Variants in PLEKHM3 observed in about 807,000 individuals in gnomAD.
PLEKHM3 encodes pleckstrin homology domain containing M3, also known as pleckstrin homology domain-containing family M member 3.
A neutral mutation model predicts 81.8 loss-of-function variants in PLEKHM3; 45 were observed. That is an observed-to-expected ratio of 0.55 (90% confidence interval 0.43 to 0.71). PLEKHM3 has a LOEUF of 0.71. PLEKHM3 is among the 30% of genes least tolerant of loss of function. The pLI is 0.00. For missense variants in PLEKHM3, 788 were observed against 924.3 expected (o/e 0.85, Z 1.91); for synonymous variants, 352 against 356.4 (o/e 0.99, Z 0.14).
Position 208,001,363 on chromosome 2 carries a change from C to A in PLEKHM3, c.277G>T (p.Glu93Ter). The stretch of plus-strand genomic sequence containing the variant: ...GTCCCTCTCTGGACCATAAACTGTT[C>A]TTTGGCAGGGAAGACATTTTGAGCT... ...TKAQNVFPAK[E>*]QFMVQRGTTP... The change falls in exon 2 of 8, where the codon GAA (glutamate) becomes TAA (stop). Residue 93 changes from glutamate to a stop codon, truncating the protein, a stop_gained. Transcript: ENST00000427836. LOFTEE classifies it high-confidence loss of function. 1 of 1,614,208 alleles carries A rather than the reference C, an allele frequency of 6.2e-7. No homozygotes were observed.
chr2:207,869,388 C>G (rs181774872), intron 6 of PLEKHM3, among the ~76,000 whole-genome samples: 19 of 152,246 alleles, frequency 1.2e-4, no homozygotes, highest in Non-Finnish European at 1.9e-4. Context: ...ACCTCCTTTC[C>G]CTTTCTCCAT....
chr2:207,863,131 T>C (rs943631222), intron 6 of PLEKHM3, among the ~76,000 whole-genome samples: 1 of 152,236 alleles, frequency 6.6e-6, no homozygotes, highest in African/African-American at 2.4e-5. Context: ...GAGCCATGCA[T>C]TTCTTCGAGG....
intron 1 of PLEKHM3, among the ~76,000 whole-genome samples, chr2:208,017,626 CCT>C (rs1166191382): frequency 2.6e-5 from 4 of 152,146 alleles, no homozygotes; most frequent in Non-Finnish European, 2.9e-5. Context: ...CTTTCCCCTT[CCT>C]CTCTTTTTTC....
intron 1 of PLEKHM3, among the ~76,000 whole-genome samples, chr2:208,023,141 C>T (rs994416300): frequency 7.3e-5 from 11 of 151,308 alleles, no homozygotes; most frequent in Non-Finnish European, 1.3e-4. Context: ...TGAAATTTAC[C>T]ATATTAACCT....
At chr2:207,884,925 C>T (rs1357460981) in intron 6 of PLEKHM3, among the ~76,000 whole-genome samples, 1 of 152,056 alleles carries the variant, frequency 6.6e-6, no homozygotes, top group Non-Finnish European at 1.5e-5. Flanking sequence ...CATATGAACA[C>T]GGGGCCTAGA....
chr2:207,963,910 T>C (rs1325946796), intron 3 of PLEKHM3, among the ~76,000 whole-genome samples: 2 of 152,202 alleles, frequency 1.3e-5, no homozygotes, highest in Admixed American at 6.5e-5. Context: ...ATGGGTTGAC[T>C]CATTCACTAA....
chr2:207,948,163 C>T (rs1197376742), intron 3 of PLEKHM3, among the ~76,000 whole-genome samples: 2 of 152,128 alleles, frequency 1.3e-5, no homozygotes, highest in Non-Finnish European at 2.9e-5. Context: ...AGAACCAACA[C>T]ACATGTAGCT....
intron 5 of PLEKHM3, among the ~76,000 whole-genome samples, chr2:207,912,731 G>GA (rs1218521732): frequency 1.3e-5 from 2 of 152,136 alleles, no homozygotes; most frequent in Admixed American, 1.3e-4. Context: ...AATAAAATAA[G>GA]AAAAAGATTT....
Position 207,986,534 on chromosome 2 carries a change from C to T in PLEKHM3, c.611-8948G>A, listed in dbSNP as rs115844980. Among the ~76,000 whole-genome samples, 225 of 152,318 alleles carry T rather than the reference C, an allele frequency of 1.5e-3. 1 individual carries two copies. In the Middle Eastern group the frequency reaches 0.02, roughly 14 times the overall value. On this transcript the variant is annotated intron_variant, in intron 2 of 7. Coordinates refer to ENST00000427836, the MANE Select transcript of PLEKHM3 (RefSeq NM_001080475.3). ...CAAGGAAGCAAAGCAATTTGACCCA[C>T]ATTTATGGAGCACCAACTACGTGCA... is the stretch of plus-strand genomic sequence containing the variant.
intron 2 of PLEKHM3, among the ~76,000 whole-genome samples, chr2:207,997,340 C>A (rs961481009): frequency 6.6e-6 from 1 of 152,034 alleles, no homozygotes; most frequent in Non-Finnish European, 1.5e-5. Flanking sequence ...AGAGGCCCTA[C>A]CTGATGAAGA....
At chr2:207,963,843 T>C (rs1159956470) in intron 3 of PLEKHM3, among the ~76,000 whole-genome samples, 1 of 152,132 alleles carries the variant, frequency 6.6e-6, no homozygotes, top group Non-Finnish European at 1.5e-5. Context: ...ATATTGAACA[T>C]ATATAGAAGA....
intron 2 of PLEKHM3, among the ~76,000 whole-genome samples, chr2:207,980,929 C>A (rs966737011): frequency 1.3e-5 from 2 of 151,932 alleles, no homozygotes; most frequent in African/African-American, 4.8e-5. Context: ...GAGTTTGAGA[C>A]CAGCCTCGTC....
intron 5 of PLEKHM3, among the ~76,000 whole-genome samples, chr2:207,923,263 A>G (rs537263030): frequency 6.6e-6 from 1 of 152,280 alleles, no homozygotes; most frequent in Admixed American, 6.5e-5. Context: ...GAGGGGTGCC[A>G]TGGGGAGGTA....
At chr2:207,860,151 CTGTGTGTGTGTGTGTGTGTGTG>C (rs55739776) in intron 7 of PLEKHM3, among the ~76,000 whole-genome samples, 67 of 110,758 alleles carry the variant, frequency 6.0e-4, no homozygotes, top group African/African-American at 1.9e-3. Flanking sequence ...AACTCTGCCT[CTGTGTGTGTGTGTGTGTGTGTG>C]TGTGTGTGTG....
At chr2:207,896,115 C>T (rs993038497) in intron 6 of PLEKHM3, among the ~76,000 whole-genome samples, 38 of 152,340 alleles carry the variant, frequency 2.5e-4, no homozygotes, top group African/African-American at 8.9e-4. Context: ...GAAAGACTTC[C>T]ACAATTTCAT....
chr2:207,849,260 G>T (rs2092399797), intron 7 of PLEKHM3, among the ~76,000 whole-genome samples: 1 of 152,080 alleles, frequency 6.6e-6, no homozygotes, highest in East Asian at 1.9e-4. Flanking sequence ...CTTGAACCCG[G>T]GAGGTGGAGG....
At chr2:207,834,943 GT>G (rs1206255117) in intron 7 of PLEKHM3, among the ~76,000 whole-genome samples, 102 of 140,058 alleles carry the variant, frequency 7.3e-4, no homozygotes, top group East Asian at 8.2e-4. Context: ...TCAACAACTT[GT>G]TTTTTTTTTT....
At chr2:207,858,076 C>T (rs1465872669) in intron 7 of PLEKHM3, among the ~76,000 whole-genome samples, 1 of 149,602 alleles carries the variant, frequency 6.7e-6, no homozygotes, top group Non-Finnish European at 1.5e-5. Flanking sequence ...CTTCTTTGAC[C>T]CATGAGTTGC....
Position 207,828,246 on chromosome 2 carries a change from G to A in PLEKHM3, c.*73C>T. ...ACTCTTCTTCCAAAGGGGTCTAACT[G>A]GCTAGTTAGGAGGCCGCTCTGGGGC... On this transcript the variant is annotated 3_prime_UTR_variant, in exon 8 of 8. Transcript: ENST00000427836. 6.8e-7 allele frequency: 1 copy of A among 1,479,288 alleles called. No individual in the cohort carries two copies. Among genetic ancestry groups the A allele is most frequent in the South Asian group, 1.3e-5 (1 of 76,764 alleles). 91.6% of individuals were successfully genotyped at this position (1,479,288 alleles called of 1,614,324 possible).
Sources: allele counts gnomAD v4.1 joint callset (sites outside exome capture counted in the v4.1 genomes callset), GRCh38; gene constraint gnomAD v4.1.1; transcripts MANE v1.5; gene names NCBI Gene and HGNC (gene_info 2026-07-23, HGNC 2026-07-21).